The following GDI2 variants were observed in gnomAD, a reference collection of about 807,000 sequenced individuals.
GDI2 encodes GDP dissociation inhibitor 2.
Under a neutral mutation model 54.2 loss-of-function variants are expected in GDI2, and 22 were observed. That is an observed-to-expected ratio of 0.41 (90% CI 0.29 to 0.58). The LOEUF is 0.58. GDI2 is among the 20% of genes least tolerant of loss of function. The pLI is 0.35. For missense variants in GDI2, 422 were observed against 546.0 expected (o/e 0.77, Z 2.26); for synonymous variants, 177 against 182.1 (o/e 0.97, Z 0.23).
intron 2 of GDI2, among the ~76,000 whole-genome samples, chr10:5,799,628 G>A (rs1019787104): frequency 1.3e-5 from 2 of 152,212 alleles, no homozygotes; most frequent in Non-Finnish European, 2.9e-5. Context: ...CTCCAGCCTG[G>A]GCGGCAGAGC....
In GDI2 at chr10:5,813,210, C is replaced by T. The variant is rs776514906; in HGVS notation, c.45+4G>A. On this transcript the variant is annotated splice_donor_region_variant and intron_variant, in intron 1 of 10. Coordinates refer to ENST00000380191, the MANE Select transcript of GDI2 (RefSeq NM_001494.4). ...AGCCCCGGCCCCTCAGCCCTGGCGC[C>T]CACCGTCAGGCCGGTGCCCAGCACG... The T allele has an allele frequency of 3.8e-6, 6 of 1,573,332 alleles. No homozygotes were observed. The Admixed American group carries it at 8.9e-5, about 23-fold the overall frequency.
rs371504340 is a variant in GDI2, at chr10:5,766,476, T to C, written c.1136+18A>G. 33 of 1,612,344 alleles carry C rather than the reference T, an allele frequency of 2.0e-5. No homozygotes were observed. Among genetic ancestry groups the C allele is most frequent in the South Asian group, 8.8e-5 (8 of 91,018 alleles). On this transcript the variant is annotated intron_variant, in intron 9 of 10. Transcript: ENST00000380191. The surrounding 1 kb of genome is among the most constrained non-coding windows in gnomAD (Gnocchi z 5.8). ...GCCTCAGTTTGCATCTCGGCAGATA[T>C]AAAAGAACACAACTCACTTCTGTTC...
At chr10:5,806,025 G>C (rs1029118871) in intron 1 of GDI2, among the ~76,000 whole-genome samples, 3 of 152,090 alleles carry the variant, frequency 2.0e-5, no homozygotes, top group Non-Finnish European at 1.5e-5. Flanking sequence ...CAACATTCTC[G>C]CATGTGTCTT....
In GDI2 at chr10:5,776,954, T is replaced by A; in HGVS notation, c.720-3013A>T. On this transcript the variant is annotated intron_variant, in intron 6 of 10. Coordinates refer to ENST00000380191, the MANE Select transcript of GDI2 (RefSeq NM_001494.4). This position sits in a 1 kb window ranked among gnomAD's most constrained non-coding sequence, Gnocchi z 5.3. ...TAAAAGGGAAAACCACATAGAAGGG[T>A]AATCCCGGAAATGCTTCATCTGGCA... 2 of 551,350 alleles carry A rather than the reference T, an allele frequency of 3.6e-6. No homozygotes were observed. The highest frequency in any genetic ancestry group is 6.3e-6 in the Non-Finnish European group (2 of 317,202). The allele number at this position is 551,350 out of a possible 1,614,324, so 34.2% of individuals were successfully genotyped here.
chr10:5,774,865 C>T lies in GDI2; in HGVS notation c.720-924G>A, dbSNP rs1449284882. Reference sequence around the variant, plus strand: ...ACTATCCACATCAGAGGCAAATCTGCCATTTCTCTGGATTCACACCCAGGG... The same window carrying T: ...ACTATCCACATCAGAGGCAAATCTGTCATTTCTCTGGATTCACACCCAGGG... On this transcript the variant is annotated intron_variant, in intron 6 of 10. Transcript: ENST00000380191. The surrounding 1 kb of genome is among the most constrained non-coding windows in gnomAD (Gnocchi z 4.8). Among the ~76,000 whole-genome samples the T allele has an allele frequency of 6.6e-6, 1 of 152,092 alleles. No individual in the cohort carries two copies. The highest frequency in any genetic ancestry group is 1.5e-5 in the Non-Finnish European group (1 of 68,038).
At chr10:5,772,162 T>A (rs1840504917) in intron 7 of GDI2, among the ~76,000 whole-genome samples, 1 of 152,138 alleles carries the variant, frequency 6.6e-6, no homozygotes, top group Admixed American at 6.5e-5. Flanking sequence ...CTGATGAAGA[T>A]CTTCCAGTGG....
At chr10:5,796,923 G>T in intron 2 of GDI2, 61 bp from the exon 3 acceptor site, 1 of 785,786 alleles carries the variant, frequency 1.3e-6, no homozygotes, top group African/African-American at 1.8e-5. Flanking sequence ...ATTACAATAT[G>T]TACATATTTT....
intron 1 of GDI2, 145 bp downstream of exon 1, chr10:5,813,069 C>G: frequency 3.9e-6 from 2 of 515,816 alleles, no homozygotes; most frequent in Non-Finnish European, 6.7e-6. Flanking sequence ...AACCCGCCCG[C>G]GCCCCTAGCC....
intron 6 of GDI2, among the ~76,000 whole-genome samples, chr10:5,781,670 T>C (rs1368903492): frequency 6.8e-6 from 1 of 147,588 alleles, no homozygotes; most frequent in African/African-American, 2.5e-5. Context: ...CCCAAAAAGC[T>C]ATAAACATTA....
intron 1 of GDI2, among the ~76,000 whole-genome samples, chr10:5,801,784 G>C (rs1395120941): frequency 2.6e-5 from 4 of 152,222 alleles, no homozygotes; most frequent in African/African-American, 9.6e-5. Context: ...GCCGAGGTGG[G>C]TGTAATGCTT....
rs1840311531 is a variant in GDI2, at chr10:5,765,846, A to G, written c.*160T>C. The stretch of plus-strand genomic sequence containing the variant: ...GCTGAATAGCCACTCCATGAAAACA[A>G]GTTAATAATTAGAAAGGTGAAGGGG... On this transcript the variant is annotated 3_prime_UTR_variant, in exon 11 of 11. Coordinates refer to ENST00000380191, the MANE Select transcript of GDI2 (RefSeq NM_001494.4). 1.8e-6 allele frequency: 1 copy of G among 559,114 alleles called. No individual in the cohort carries two copies. Among genetic ancestry groups the G allele is most frequent in the African/African-American group, 2.0e-5 (1 of 50,666 alleles). 34.6% of individuals were successfully genotyped at this position (559,114 alleles called of 1,614,324 possible).
chr10:5,808,061 G>A (rs888783539), intron 1 of GDI2, among the ~76,000 whole-genome samples: 1 of 152,188 alleles, frequency 6.6e-6, no homozygotes, highest in African/African-American at 2.4e-5. Flanking sequence ...CCCTGGCTGG[G>A]CAAGGTGGCT....
At chr10:5,799,106 C>G (rs1250191895) in intron 2 of GDI2, among the ~76,000 whole-genome samples, 7 of 152,090 alleles carry the variant, frequency 4.6e-5, no homozygotes, top group African/African-American at 1.7e-4. Context: ...CTTTGGGAAA[C>G]CAAGGTAGGA....
chr10:5,808,710 A>C (rs1216622886), intron 1 of GDI2, among the ~76,000 whole-genome samples: 7 of 106,540 alleles, frequency 6.6e-5, no homozygotes, highest in African/African-American at 1.3e-4. Flanking sequence ...AAAAAAAAAA[A>C]AAAAAAAACT....
intron 3 of GDI2, among the ~76,000 whole-genome samples, chr10:5,795,580 C>T (rs889231162): frequency 8.6e-5 from 13 of 151,988 alleles, no homozygotes; most frequent in Non-Finnish European, 1.6e-4. Flanking sequence ...ATAATTCTAT[C>T]AACTTGCTTT....
intron 6 of GDI2, among the ~76,000 whole-genome samples, chr10:5,781,828 A>G (rs1348891663): frequency 1.3e-5 from 2 of 151,962 alleles, no homozygotes; most frequent in African/African-American, 2.4e-5. Flanking sequence ...AGCCTGTTCA[A>G]TAACGGCAAA....
chr10:5,773,740 C>G (rs1171394298), intron 7 of GDI2, 102 bp downstream of exon 7: 1 of 676,522 alleles, frequency 1.5e-6, no homozygotes, highest in Non-Finnish European at 2.6e-6. Context: ...ACTTCCCATA[C>G]AGAAATCATA....
intron 7 of GDI2, among the ~76,000 whole-genome samples, chr10:5,771,873 C>CTT (rs1226887607): frequency 4.6e-5 from 7 of 152,248 alleles, no homozygotes; most frequent in Non-Finnish European, 2.9e-5. Context: ...AGGCAGATCA[C>CTT]GAGGTCAAGA....
intron 6 of GDI2, among the ~76,000 whole-genome samples, chr10:5,784,392 G>A (rs892900608): frequency 1.1e-4 from 16 of 152,208 alleles, no homozygotes; most frequent in South Asian, 1.0e-3. Flanking sequence ...CTTGATTGGC[G>A]TAATAATGAC....
Sources: allele counts gnomAD v4.1 joint callset (sites outside exome capture counted in the v4.1 genomes callset), GRCh38; gene constraint gnomAD v4.1.1; non-coding constraint Gnocchi (gnomAD v3.1); transcripts MANE v1.5; gene names NCBI Gene and HGNC (gene_info 2026-07-23, HGNC 2026-07-21).